PTPRM: variants seen among roughly 807,000 people sequenced by gnomAD.
The protein encoded by PTPRM is receptor-type tyrosine-protein phosphatase mu.
In PTPRM, 47 loss-of-function variants were observed where a neutral mutation model predicts 186.7. The ratio of observed to expected loss-of-function variants is 0.25; its 90% CI spans 0.20 to 0.32. The LOEUF is 0.32. Ranked by LOEUF, PTPRM falls within the 10% of genes least tolerant of loss-of-function variation. The pLI, the probability that PTPRM is intolerant of heterozygous loss-of-function variation, is 1.00. For synonymous variants in PTPRM, 668 were observed against 674.9 expected (o/e 0.99, Z 0.16); for missense variants, 1,494 against 1,865.0 (o/e 0.80, Z 3.66).
At chr18:8,370,828 C>T (rs762019164) in intron 23 of PTPRM, 62 bp from the exon 24 acceptor site, 2 of 956,058 alleles carry the variant, frequency 2.1e-6, no homozygotes, top group Non-Finnish European at 3.2e-6. Flanking sequence ...TGTGACCCAT[C>T]ATGGGAGGAA....
chr18:7,984,602 T>TATATATATACACACACAC (rs1214502563), intron 7 of PTPRM, among the ~76,000 whole-genome samples: 10 of 87,194 alleles, frequency 1.1e-4, no homozygotes, highest in African/African-American at 3.9e-4. Flanking sequence ...TATATATATA[T>TATATATATACACACACAC]ACACACACAC....
intron 23 of PTPRM, among the ~76,000 whole-genome samples, chr18:8,369,185 T>C (rs1038126705): frequency 6.6e-6 from 1 of 152,130 alleles, no homozygotes; most frequent in Non-Finnish European, 1.5e-5. Context: ...TATATGTGCA[T>C]AGAAAAGAGA....
chr18:7,625,732 G>C (rs987896875), intron 1 of PTPRM, among the ~76,000 whole-genome samples: 6 of 151,562 alleles, frequency 4.0e-5, no homozygotes, highest in African/African-American at 1.5e-4. Context: ...ACTGGGTTTT[G>C]CCATGTTGGC....
intron 1 of PTPRM, among the ~76,000 whole-genome samples, chr18:7,601,373 A>C (rs2037398850): frequency 6.6e-6 from 1 of 152,198 alleles, no homozygotes; most frequent in South Asian, 2.1e-4. Flanking sequence ...GGCTGCTGTA[A>C]CAAATGACCA....
chr18:7,980,105 T>C (rs865856015), intron 7 of PTPRM, among the ~76,000 whole-genome samples: 7 of 152,210 alleles, frequency 4.6e-5, no homozygotes, highest in Non-Finnish European at 8.8e-5. Flanking sequence ...CCCCACAAAA[T>C]ATTTTTTTCT....
intron 22 of PTPRM, among the ~76,000 whole-genome samples, chr18:8,333,788 T>C (rs772599566): frequency 6.6e-6 from 1 of 152,222 alleles, no homozygotes; most frequent in Non-Finnish European, 1.5e-5. Flanking sequence ...CCAGGTTTCC[T>C]GCAGCTGCTT....
chr18:8,063,556 AC>A (rs2088800790), intron 7 of PTPRM, among the ~76,000 whole-genome samples: 1 of 152,052 alleles, frequency 6.6e-6, no homozygotes, highest in African/African-American at 2.4e-5. Flanking sequence ...CCTTACCAAT[AC>A]CCACATTTCT....
At chr18:7,754,192 C>A (rs1026423901) in intron 1 of PTPRM, among the ~76,000 whole-genome samples, 18 of 152,268 alleles carry the variant, frequency 1.2e-4, no homozygotes, top group African/African-American at 4.3e-4. Flanking sequence ...CTTCTTTACT[C>A]TTTTCATCAT....
At position 8,194,472 on chromosome 18, in the gene PTPRM, C is replaced by G. The variant is rs976312904; in HGVS notation, c.2301-49586C>G. Among the ~76,000 whole-genome samples the G allele has an allele frequency of 5.3e-5, 8 of 152,338 alleles. No homozygotes were observed. The East Asian group carries it at 1.4e-3, about 26-fold the overall frequency. On this transcript the variant is annotated intron_variant, in intron 14 of 32. Coordinates refer to ENST00000580170, the MANE Select transcript of PTPRM (RefSeq NM_001105244.2). ...GAAAGTTGTCCATAGAGTAACTCTG[C>G]TTTCAGGGCTCCGTGTGAGGACTGA... is the stretch of plus-strand genomic sequence containing the variant.
intron 23 of PTPRM, among the ~76,000 whole-genome samples, chr18:8,348,328 C>T (rs1205118213): frequency 6.6e-6 from 1 of 152,244 alleles, no homozygotes; most frequent in Non-Finnish European, 1.5e-5. Context: ...CGCCAGGAGA[C>T]CTTTCCTGTC....
At chr18:7,953,674 C>T (rs1215807376) in intron 6 of PTPRM, among the ~76,000 whole-genome samples, 1 of 152,160 alleles carries the variant, frequency 6.6e-6, no homozygotes, top group African/African-American at 2.4e-5. Flanking sequence ...AGACAACCAA[C>T]TCAACAAAGG....
At chr18:8,380,274 G>T (rs761171557) in intron 28 of PTPRM, 22 bp from the exon 29 acceptor site, 4 of 1,610,278 alleles carry the variant, frequency 2.5e-6, no homozygotes, top group South Asian at 1.1e-5. Context: ...TATATTTGGA[G>T]CATTCTTGTT....
intron 3 of PTPRM, among the ~76,000 whole-genome samples, chr18:7,894,030 C>CA: frequency 6.6e-6 from 1 of 151,996 alleles, no homozygotes; most frequent in Admixed American, 6.5e-5. Flanking sequence ...AACAAACAAA[C>CA]AAAAAAACAA....
intron 1 of PTPRM, among the ~76,000 whole-genome samples, chr18:7,574,336 T>C (rs1165065498): frequency 6.6e-6 from 1 of 152,214 alleles, no homozygotes; most frequent in East Asian, 1.9e-4. Context: ...TAAATTTTGT[T>C]GTAATGGTTA....
At chr18:8,355,248 A>T (rs1434940169) in intron 23 of PTPRM, among the ~76,000 whole-genome samples, 2 of 152,206 alleles carry the variant, frequency 1.3e-5, no homozygotes, top group African/African-American at 4.8e-5. Flanking sequence ...GAGGCACCTC[A>T]TCTAGCTGTG....
chr18:7,898,232 T>C (rs904469075), intron 3 of PTPRM, among the ~76,000 whole-genome samples: 1 of 152,206 alleles, frequency 6.6e-6, no homozygotes, highest in Non-Finnish European at 1.5e-5. Context: ...TGCATTTTAT[T>C]TAAATCAAAA....
intron 19 of PTPRM, among the ~76,000 whole-genome samples, chr18:8,262,860 T>C (rs1226450891): frequency 6.6e-6 from 1 of 152,208 alleles, no homozygotes; most frequent in Non-Finnish European, 1.5e-5. Flanking sequence ...TGAATTGATT[T>C]CTGCATATTT....
intron 1 of PTPRM, among the ~76,000 whole-genome samples, chr18:7,661,692 C>A (rs2038984447): frequency 6.6e-6 from 1 of 152,192 alleles, no homozygotes. Flanking sequence ...TACAAACATG[C>A]AACTCCTGCC....
intron 7 of PTPRM, among the ~76,000 whole-genome samples, chr18:7,992,534 C>T (rs2083316923): frequency 6.6e-6 from 1 of 152,064 alleles, no homozygotes; most frequent in Non-Finnish European, 1.5e-5. Context: ...GGTAGGTAGA[C>T]AGTAGATCCA....
Sources: allele counts gnomAD v4.1 joint callset (sites outside exome capture counted in the v4.1 genomes callset), GRCh38; gene constraint gnomAD v4.1.1; transcripts MANE v1.5; gene names NCBI Gene and HGNC (gene_info 2026-07-23, HGNC 2026-07-21).